Variants in SORCS2 observed in about 807,000 individuals in gnomAD.
The protein encoded by SORCS2 is sortilin related VPS10 domain containing receptor 2.
SORCS2 carries 100 observed loss-of-function variants against 141.6 expected under a neutral mutation model. The observed-to-expected ratio is 0.71, with a 90% CI of 0.60 to 0.83. The LOEUF is 0.83. Ranked by LOEUF, SORCS2 falls within the 40% of genes least tolerant of loss-of-function variation. The pLI, the probability that SORCS2 is intolerant of heterozygous loss-of-function variation, is 0.00. For synonymous variants in SORCS2, 789 were observed against 676.9 expected, an observed-to-expected ratio of 1.17 and a Z score of -2.57; for missense variants, 1,646 against 1,560.2, an observed-to-expected ratio of 1.05 and a Z score of -0.93.
At chr4:7,569,958 CG>C in intron 3 of SORCS2, among the ~76,000 whole-genome samples, 1 of 152,278 alleles carries the variant, frequency 6.6e-6, no homozygotes, top group East Asian at 1.9e-4. Context: ...GCTCTGGTAG[CG>C]GCTGGATGAG....
chr4:7,639,557 CTG>C (rs773418330), intron 4 of SORCS2, among the ~76,000 whole-genome samples: 53 of 139,938 alleles, frequency 3.8e-4, no homozygotes, highest in Non-Finnish European at 6.7e-4. Context: ...ATGTGTGTGA[CTG>C]TGGGTGCATG....
intron 2 of SORCS2, among the ~76,000 whole-genome samples, chr4:7,515,626 A>G (rs949156627): frequency 6.7e-6 from 1 of 149,902 alleles, no homozygotes; most frequent in Non-Finnish European, 1.5e-5. Flanking sequence ...CTCGGAACCC[A>G]CCCGTGCCCT....
At chr4:7,619,224 C>A (rs1483067366) in intron 3 of SORCS2, among the ~76,000 whole-genome samples, 1 of 152,164 alleles carries the variant, frequency 6.6e-6, no homozygotes, top group Non-Finnish European at 1.5e-5. Flanking sequence ...ACTTAGCTAC[C>A]CTTAAGCCAG....
At chr4:7,689,445 T>TA (rs1180863536) in intron 10 of SORCS2, 41 bp from the exon 11 acceptor site, 1 of 1,544,252 alleles carries the variant, frequency 6.5e-7, no homozygotes, top group Admixed American at 1.9e-5. Flanking sequence ...AGGATGCTCC[T>TA]ACTCATGTGT....
intron 3 of SORCS2, among the ~76,000 whole-genome samples, chr4:7,541,945 C>A (rs985225232): frequency 6.6e-6 from 1 of 152,244 alleles, no homozygotes; most frequent in East Asian, 1.9e-4. Flanking sequence ...AATGAGCATA[C>A]TTTGGGTGCT....
chr4:7,552,738 C>T lies in SORCS2; in HGVS notation c.648+21109C>T, dbSNP rs1713806691. 2.6e-5 allele frequency among the ~76,000 whole-genome samples: 4 copies of T among 152,126 alleles called. No homozygotes were observed. The South Asian group carries it at 8.3e-4, about 32-fold the overall frequency. ...GTCCTGGGACAACTAGATGACTTTT[C>T]CTCCCCACCTTCCTGCCTCTCCACT... On this transcript the variant is annotated intron_variant, in intron 3 of 26. Coordinates refer to ENST00000507866, the MANE Select transcript of SORCS2 (RefSeq NM_020777.3).
chr4:7,721,771 G>A lies in SORCS2; in HGVS notation c.2425-1926G>A, dbSNP rs146978835. On this transcript the variant is annotated intron_variant, in intron 18 of 26. Transcript: ENST00000507866. ...CTGTATCAGTGTTAACCTCCTAGTC[G>A]TGATACTATCATTTGGCAAGATGTT... Among the ~76,000 whole-genome samples the A allele has an allele frequency of 3.3e-4, 50 of 152,276 alleles. No individual in the cohort carries two copies. The Middle Eastern group carries it at 0.014, about 41-fold the overall frequency.
chr4:7,695,523 A>G (rs540327048), intron 11 of SORCS2, among the ~76,000 whole-genome samples: 416 of 3,116 alleles, frequency 0.13, 1 homozygote, highest in Non-Finnish European at 0.14. Context: ...TGGGTGGGTG[A>G]GTGGATGGGT....
chr4:7,631,046 T>C (rs1380602038), intron 3 of SORCS2, among the ~76,000 whole-genome samples: 4 of 112,320 alleles, frequency 3.6e-5, no homozygotes, highest in East Asian at 3.7e-4. Context: ...GTTTTCCTTT[T>C]CTTTTTTTTT....
chr4:7,385,457 A>T (rs1310725212), intron 1 of SORCS2, among the ~76,000 whole-genome samples: 1 of 152,172 alleles, frequency 6.6e-6, no homozygotes, highest in East Asian at 1.9e-4. Flanking sequence ...CCTCTCTTTC[A>T]TGCGGGCTGG....
At chr4:7,724,120 G>C (rs550062267) in intron 19 of SORCS2, among the ~76,000 whole-genome samples, 119 of 142,574 alleles carry the variant, frequency 8.3e-4, no homozygotes, top group African/African-American at 2.5e-3. Flanking sequence ...TGGTGATGGT[G>C]GTGGTGGTGG....
At chr4:7,316,996 C>T (rs1001390059) in intron 1 of SORCS2, among the ~76,000 whole-genome samples, 10 of 152,260 alleles carry the variant, frequency 6.6e-5, no homozygotes, top group African/African-American at 1.2e-4. Context: ...TGCAAGCGCC[C>T]GGGGTCAGAA....
At chr4:7,274,815 G>A (rs1436145783) in intron 1 of SORCS2, among the ~76,000 whole-genome samples, 3 of 152,172 alleles carry the variant, frequency 2.0e-5, no homozygotes, top group Admixed American at 6.5e-5. Context: ...AGTGTCTTCT[G>A]GGGGAGGGGT....
At chr4:7,521,853 C>G (rs1282478447) in intron 2 of SORCS2, among the ~76,000 whole-genome samples, 1 of 152,234 alleles carries the variant, frequency 6.6e-6, no homozygotes, top group African/African-American at 2.4e-5. Context: ...AAGTGCAGAA[C>G]AGGTGCTGGC....
intron 4 of SORCS2, among the ~76,000 whole-genome samples, chr4:7,650,719 CGCCCCGCCCAGCCCAGCCCA>C (rs1458282917): frequency 2.1e-4 from 16 of 75,488 alleles, no homozygotes; most frequent in Admixed American, 1.2e-3. Context: ...CCTCTCTCCC[CGCCCCGCCCAGCCCAGCCCA>C]GCCCAGCCCA....
At chr4:7,696,742 C>T (rs1194462105) in intron 11 of SORCS2, among the ~76,000 whole-genome samples, 1 of 152,218 alleles carries the variant, frequency 6.6e-6, no homozygotes, top group East Asian at 1.9e-4. Flanking sequence ...TGCCCACCTG[C>T]CTTCTCTCCT....
intron 2 of SORCS2, among the ~76,000 whole-genome samples, chr4:7,520,525 A>G (rs552577608): frequency 9.2e-5 from 14 of 152,246 alleles, no homozygotes; most frequent in African/African-American, 3.4e-4. Flanking sequence ...TCTGCTAGTG[A>G]GTGTCACAGC....
chr4:7,531,651 C>T (rs1180404793), intron 3 of SORCS2, 22 bp downstream of exon 3: 4 of 1,605,348 alleles, frequency 2.5e-6, no homozygotes, highest in African/African-American at 2.7e-5. Context: ...CTGGGGGTGG[C>T]CGCCACTCTG....
At chr4:7,464,121 C>A (rs958775776) in intron 2 of SORCS2, among the ~76,000 whole-genome samples, 1 of 152,184 alleles carries the variant, frequency 6.6e-6, no homozygotes, top group Admixed American at 6.5e-5. Context: ...CTGAACACAC[C>A]TGGTCAGCCT....
Sources: allele counts gnomAD v4.1 joint callset (sites outside exome capture counted in the v4.1 genomes callset), GRCh38; gene constraint gnomAD v4.1.1; transcripts MANE v1.5; gene names NCBI Gene and HGNC (gene_info 2026-07-23, HGNC 2026-07-21).